Variants in RAB38 observed in about 807,000 individuals in gnomAD.
RAB38 encodes the protein ras-related protein Rab-38.
A neutral mutation model predicts 18.4 loss-of-function variants in RAB38; 15 were observed. The observed-to-expected ratio is 0.82, with a 90% CI of 0.55 to 1.26. RAB38 has a LOEUF of 1.26. Among genes scored for constraint, RAB38 ranks in the 50% most tolerant of loss-of-function variants. The pLI, the probability that RAB38 is intolerant of heterozygous loss-of-function variation, is 0.00. For synonymous variants in RAB38, 101 were observed against 104.4 expected (o/e 0.97, Z 0.20); for missense variants, 294 against 267.4 (o/e 1.10, Z -0.69).
the RAB38 span, among the ~76,000 whole-genome samples, chr11:88,079,874 A>C: frequency 6.6e-6 from 1 of 151,796 alleles, no homozygotes; most frequent in Non-Finnish European, 1.5e-5. Flanking sequence ...TTAATACACT[A>C]GGAATAATGG....
the RAB38 span, among the ~76,000 whole-genome samples, chr11:88,044,306 G>A: frequency 0.39 from 58,957 of 151,624 alleles, 12,028 homozygotes; most frequent in Non-Finnish European, 0.44. Flanking sequence ...CCTTCTCTCC[G>A]TGTCTCTACC....
chr11:87,935,496 C>CT, the RAB38 span, among the ~76,000 whole-genome samples: 1 of 151,818 alleles, frequency 6.6e-6, no homozygotes, highest in Non-Finnish European at 1.5e-5. Context: ...AATTTTGTTC[C>CT]TTTTTTGGAA....
chr11:88,027,536 G>A, the RAB38 span, among the ~76,000 whole-genome samples: 33 of 152,322 alleles, frequency 2.2e-4, no homozygotes, highest in African/African-American at 7.9e-4. Context: ...GCGCTTTTCT[G>A]ACGGCCTTAA....
At chr11:88,104,158 C>T in the RAB38 span, among the ~76,000 whole-genome samples, 1 of 152,074 alleles carries the variant, frequency 6.6e-6, no homozygotes, top group Admixed American at 6.6e-5. Flanking sequence ...CAAGTTTTTT[C>T]CCTCTTTGGA....
chr11:88,069,526 T>G, the RAB38 span, among the ~76,000 whole-genome samples: 1 of 152,332 alleles, frequency 6.6e-6, no homozygotes, highest in African/African-American at 2.4e-5. Context: ...GGGTGGGGAT[T>G]TGGAGAACTT....
chr11:88,082,781 ATCT>A, the RAB38 span, among the ~76,000 whole-genome samples: 2 of 151,798 alleles, frequency 1.3e-5, no homozygotes, highest in African/African-American at 4.8e-5. Flanking sequence ...TCTCTAACTG[ATCT>A]TCTGCTTCTT....
chr11:87,842,120 T>C, the RAB38 span, among the ~76,000 whole-genome samples: 2 of 152,130 alleles, frequency 1.3e-5, no homozygotes, highest in African/African-American at 2.4e-5. Context: ...AGAAGTGTTA[T>C]GGATGAATAA....
At chr11:87,814,834 C>G in the RAB38 span, among the ~76,000 whole-genome samples, 2 of 151,730 alleles carry the variant, frequency 1.3e-5, no homozygotes, top group South Asian at 4.2e-4. Context: ...CCGGGGTTCA[C>G]GCCATTCTCC....
At chr11:87,897,534 G>C in the RAB38 span, among the ~76,000 whole-genome samples, 2 of 151,452 alleles carry the variant, frequency 1.3e-5, no homozygotes, top group African/African-American at 4.8e-5. Flanking sequence ...ATTTGTTGTT[G>C]TTCTTTTTTA....
At chr11:87,964,434 T>C in the RAB38 span, among the ~76,000 whole-genome samples, 89 of 152,250 alleles carry the variant, frequency 5.8e-4, no homozygotes, top group African/African-American at 2.1e-3. Context: ...GGCTTGAAAC[T>C]GGTAGGCCAT....
the RAB38 span, among the ~76,000 whole-genome samples, chr11:87,930,783 T>C: frequency 1.2e-3 from 182 of 152,308 alleles, no homozygotes; most frequent in Non-Finnish European, 2.2e-3. Context: ...TTTCTATATA[T>C]GGCTAGCCAG....
At chr11:88,107,320 T>C in the RAB38 span, among the ~76,000 whole-genome samples, 2 of 152,090 alleles carry the variant, frequency 1.3e-5, no homozygotes, top group African/African-American at 4.8e-5. Flanking sequence ...CTAATCAACT[T>C]TGCATTTCTA....
chr11:88,131,824 C>T (rs1345342770), intron 2 of RAB38, among the ~76,000 whole-genome samples: 1 of 152,182 alleles, frequency 6.6e-6, no homozygotes, highest in Non-Finnish European at 1.5e-5. Context: ...GATTAGGCTC[C>T]CTTTCATAAG....
chr11:88,142,946 T>C (rs533791833), intron 2 of RAB38, among the ~76,000 whole-genome samples: 4 of 152,358 alleles, frequency 2.6e-5, no homozygotes, highest in African/African-American at 7.2e-5. Context: ...GTCATTAGAC[T>C]TTAAACTCCT....
the RAB38 span, among the ~76,000 whole-genome samples, chr11:87,939,289 C>G: frequency 0.023 from 3,541 of 151,992 alleles, 136 homozygotes; most frequent in African/African-American, 0.081. Flanking sequence ...TTGATACATA[C>G]ACACACACAT....
the RAB38 span, among the ~76,000 whole-genome samples, chr11:87,956,416 G>T: frequency 6.6e-6 from 1 of 152,082 alleles, no homozygotes; most frequent in African/African-American, 2.4e-5. Context: ...AAATTCTTGG[G>T]TCCTCGCCTC....
the RAB38 span, among the ~76,000 whole-genome samples, chr11:87,973,352 A>G: frequency 6.6e-6 from 1 of 152,076 alleles, no homozygotes; most frequent in South Asian, 2.1e-4. Context: ...GCTGCATAAG[A>G]CTTGCCCACC....
chr11:88,105,212 C>T, the RAB38 span, among the ~76,000 whole-genome samples: 1 of 151,696 alleles, frequency 6.6e-6, no homozygotes, highest in African/African-American at 2.4e-5. Context: ...TTATTTATTC[C>T]AAAAAAGTAT....
At chr11:87,852,971 A>C in the RAB38 span, among the ~76,000 whole-genome samples, 1 of 152,146 alleles carries the variant, frequency 6.6e-6, no homozygotes, top group African/African-American at 2.4e-5. Flanking sequence ...TAAGCAAGAC[A>C]TATTTCACTA....
Sources: gnomAD v4.1 joint callset for allele counts (sites outside exome capture counted in the v4.1 genomes callset) on GRCh38, gnomAD v4.1.1 for gene constraint, MANE v1.5 for transcripts, NCBI Gene and HGNC (gene_info 2026-07-23, HGNC 2026-07-21) for gene names.